CADM2: variants seen among roughly 807,000 people sequenced by gnomAD.
CADM2 encodes cell adhesion molecule 2, also known as immunoglobulin superfamily member 4D.
CADM2 carries 12 observed loss-of-function variants against 49.8 expected under a neutral mutation model. The observed-to-expected ratio is 0.24, with a 90% CI of 0.15 to 0.39. The LOEUF (loss-of-function observed/expected upper bound fraction) is 0.39, where lower values mean the gene tolerates loss of function less well. Among genes scored for constraint, CADM2 ranks in the 10% least tolerant of loss-of-function variants. CADM2 has a pLI of 1.00. For synonymous variants in CADM2, 214 were observed against 175.4 expected (o/e 1.22, Z -1.74); for missense variants, 378 against 492.3 (o/e 0.77, Z 2.20).
intron 5 of CADM2, among the ~76,000 whole-genome samples, chr3:85,900,983 T>C (rs1716043704): frequency 6.6e-6 from 1 of 152,206 alleles, no homozygotes; most frequent in Non-Finnish European, 1.5e-5. Context: ...AATTTATGAA[T>C]CATATTTTAC....
intron 1 of CADM2, among the ~76,000 whole-genome samples, chr3:85,541,746 TTA>T (rs1281123672): frequency 1.4e-3 from 39 of 27,766 alleles, no homozygotes; most frequent in Middle Eastern, 0.028. Context: ...TATATATATT[TTA>T]TATATTTTAT....
chr3:85,327,031 A>G (rs1291637073), intron 1 of CADM2, among the ~76,000 whole-genome samples: 1 of 151,886 alleles, frequency 6.6e-6, no homozygotes, highest in African/African-American at 2.4e-5. Context: ...CAGAATCTTA[A>G]TGTGTCTTTT....
rs2039861061 is a variant in CADM2 at position 85,149,647 on chromosome 3, G to C, written c.61+189979G>C. ...AGTTACTCTGGAGACTGAGGCAGGA[G>C]AAAGGCGTGGTGGAGCTTGCAGTGA... On this transcript the variant is annotated intron_variant, in intron 1 of 9. Transcript: ENST00000383699. Among the ~76,000 whole-genome samples, 5 of 152,216 alleles carry C rather than the reference G, an allele frequency of 3.3e-5. No homozygotes were observed. The South Asian group carries it at 1.0e-3, about 31-fold the overall frequency.
intron 1 of CADM2, among the ~76,000 whole-genome samples, chr3:85,515,660 C>A (rs1216860523): frequency 7.1e-6 from 1 of 140,982 alleles, no homozygotes; most frequent in Non-Finnish European, 1.5e-5. Flanking sequence ...TTAGTAGAGA[C>A]AGGGCTTCAC....
intron 6 of CADM2, among the ~76,000 whole-genome samples, chr3:85,914,583 G>A (rs184222931): frequency 1.3e-3 from 203 of 152,056 alleles, no homozygotes; most frequent in African/African-American, 4.4e-3. Flanking sequence ...CTTAGTTAAC[G>A]GTAATTCTAA....
At chr3:85,725,533 A>G (rs1431212937) in intron 1 of CADM2, among the ~76,000 whole-genome samples, 2 of 151,988 alleles carry the variant, frequency 1.3e-5, no homozygotes, top group African/African-American at 2.4e-5. Context: ...TTCATTTTTC[A>G]ATAGTAAGTC....
chr3:85,753,506 A>T (rs9872327), intron 2 of CADM2, among the ~76,000 whole-genome samples: 17,550 of 152,136 alleles, frequency 0.12, 1,123 homozygotes, highest in South Asian at 0.22. Context: ...ATAATAGCCA[A>T]TGGGTTAAAC....
intron 8 of CADM2, chr3:86,013,776 A>G (rs1731846388): frequency 2.3e-5 from 37 of 1,589,950 alleles, no homozygotes; most frequent in Admixed American, 3.4e-5. Context: ...ATTTCACACT[A>G]TGATAACTGA....
intron 8 of CADM2, among the ~76,000 whole-genome samples, chr3:86,034,430 G>GA (rs1168610833): frequency 6.6e-6 from 1 of 151,962 alleles, no homozygotes; most frequent in Non-Finnish European, 1.5e-5. Flanking sequence ...AGGATACAGT[G>GA]AAAAAAGTCC....
At chr3:85,169,914 A>C (rs1448848450) in intron 1 of CADM2, among the ~76,000 whole-genome samples, 2 of 152,206 alleles carry the variant, frequency 1.3e-5, no homozygotes, top group Non-Finnish European at 1.5e-5. Context: ...TAATGTGAAA[A>C]CTTTTTGTGA....
chr3:85,428,507 A>T (rs962895007), intron 1 of CADM2, among the ~76,000 whole-genome samples: 14 of 146,382 alleles, frequency 9.6e-5, no homozygotes, highest in African/African-American at 3.5e-4. Flanking sequence ...CTATGGGGAT[A>T]TGTATTAGTA....
intron 3 of CADM2, among the ~76,000 whole-genome samples, chr3:85,824,009 C>A (rs1227365981): frequency 6.6e-6 from 1 of 152,116 alleles, no homozygotes; most frequent in Non-Finnish European, 1.5e-5. Flanking sequence ...GGTGACAGAA[C>A]AAGTTACTAC....
intron 1 of CADM2, among the ~76,000 whole-genome samples, chr3:85,462,846 A>C (rs2038309550): frequency 6.6e-6 from 1 of 152,200 alleles, no homozygotes; most frequent in Admixed American, 6.5e-5. Flanking sequence ...TTGTATTTTG[A>C]AAGTAATGTA....
intron 6 of CADM2, among the ~76,000 whole-genome samples, chr3:85,929,008 C>CA (rs577555330): frequency 2.1e-4 from 31 of 151,174 alleles, no homozygotes; most frequent in African/African-American, 7.1e-4. Flanking sequence ...TGCTAGTTTG[C>CA]AAAAAATATC....
intron 5 of CADM2, among the ~76,000 whole-genome samples, chr3:85,908,504 C>T (rs1717113227): frequency 6.6e-6 from 1 of 151,506 alleles, no homozygotes; most frequent in African/African-American, 2.4e-5. Flanking sequence ...ATTTAGGCAG[C>T]TAATTTTTGT....
intron 1 of CADM2, 44 bp from the exon 2 acceptor site, chr3:85,726,478 T>G: frequency 1.2e-6 from 2 of 1,607,882 alleles, no homozygotes; most frequent in South Asian, 1.1e-5. Context: ...GTCTAATATC[T>G]AATATGTTTG....
chr3:85,725,138 CTT>C (rs1426276207), intron 1 of CADM2, among the ~76,000 whole-genome samples: 2 of 151,678 alleles, frequency 1.3e-5, no homozygotes, highest in Non-Finnish European at 3.0e-5. Flanking sequence ...CCTAAAATAA[CTT>C]TGTTTTTAGT....
At chr3:85,613,507 C>A (rs1482136391) in intron 1 of CADM2, among the ~76,000 whole-genome samples, 1 of 151,646 alleles carries the variant, frequency 6.6e-6, no homozygotes, top group Non-Finnish European at 1.5e-5. Context: ...TAATAGACAC[C>A]TGAATATTAA....
chr3:85,162,013 G>A (rs900398386), intron 1 of CADM2, among the ~76,000 whole-genome samples: 45 of 151,752 alleles, frequency 3.0e-4, no homozygotes, highest in African/African-American at 1.1e-3. Context: ...CCATTTAAAA[G>A]GAAAAACAAA....
Sources: allele counts gnomAD v4.1 joint callset (sites outside exome capture counted in the v4.1 genomes callset), GRCh38; gene constraint gnomAD v4.1.1; transcripts MANE v1.5; gene names NCBI Gene and HGNC (gene_info 2026-07-23, HGNC 2026-07-21).